Variants in GRM8 observed in about 807,000 individuals in gnomAD.
The protein encoded by GRM8 is glutamate metabotropic receptor 8.
A neutral mutation model predicts 87.2 loss-of-function variants in GRM8; 47 were observed. That is an observed-to-expected ratio of 0.54 (90% confidence interval 0.43 to 0.69). GRM8 has a LOEUF of 0.69. Among genes scored for constraint, GRM8 ranks in the 30% least tolerant of loss-of-function variants. GRM8 has a pLI of 0.00. For missense variants in GRM8, 1,019 were observed against 1,139.2 expected, an observed-to-expected ratio of 0.89 and a Z score of 1.52; for synonymous variants, 396 against 404.5, an observed-to-expected ratio of 0.98 and a Z score of 0.25.
At chr7:126,496,585 G>A (rs1808775034) in intron 9 of GRM8, among the ~76,000 whole-genome samples, 1 of 151,962 alleles carries the variant, frequency 6.6e-6, no homozygotes, top group South Asian at 2.1e-4. Context: ...AATGTTCACT[G>A]GAACCATGTT....
intron 9 of GRM8, among the ~76,000 whole-genome samples, chr7:126,482,171 G>C (rs1463805668): frequency 6.6e-6 from 1 of 152,012 alleles, no homozygotes; most frequent in Non-Finnish European, 1.5e-5. Context: ...TGAGAATATG[G>C]AGATATTGGA....
intron 8 of GRM8, among the ~76,000 whole-genome samples, chr7:126,540,932 G>A (rs529690163): frequency 8.1e-4 from 124 of 152,312 alleles, no homozygotes; most frequent in African/African-American, 2.9e-3. Context: ...TCTCTATAAA[G>A]CTGTTATTTA....
intron 3 of GRM8, among the ~76,000 whole-genome samples, chr7:127,046,470 T>C (rs1309958099): frequency 3.9e-5 from 6 of 152,230 alleles, no homozygotes; most frequent in Non-Finnish European, 5.9e-5. Flanking sequence ...TACTAGCAAA[T>C]GTCACTGTGG....
chr7:127,098,543 G>T (rs775037067), intron 3 of GRM8, among the ~76,000 whole-genome samples: 1 of 151,772 alleles, frequency 6.6e-6, no homozygotes, highest in East Asian at 1.9e-4. Context: ...GTACACTAGG[G>T]ATGAAACTTT....
chr7:126,455,674 A>G (rs1803147029), intron 9 of GRM8, among the ~76,000 whole-genome samples: 1 of 151,696 alleles, frequency 6.6e-6, no homozygotes, highest in Non-Finnish European at 1.5e-5. Flanking sequence ...TTTAGCATTG[A>G]GTTTGCACTG....
chr7:127,094,628 C>T (rs1407191747), intron 3 of GRM8, among the ~76,000 whole-genome samples: 4 of 152,310 alleles, frequency 2.6e-5, no homozygotes, highest in Admixed American at 2.0e-4. Flanking sequence ...AGGATCCAAG[C>T]CTGCTGACAC....
intron 2 of GRM8, among the ~76,000 whole-genome samples, chr7:127,120,108 G>T (rs1236797687): frequency 6.6e-6 from 1 of 152,144 alleles, no homozygotes; most frequent in African/African-American, 2.4e-5. Flanking sequence ...TCAAGTCATA[G>T]CTGGCCAATT....
At chr7:126,441,080 A>G (rs1801421553) in intron 10 of GRM8, among the ~76,000 whole-genome samples, 1 of 152,082 alleles carries the variant, frequency 6.6e-6, no homozygotes, top group South Asian at 2.1e-4. Context: ...CAATTCTTAG[A>G]GGCTGATGTA....
chr7:126,671,944 T>C (rs1585458722), intron 7 of GRM8, among the ~76,000 whole-genome samples: 1 of 152,162 alleles, frequency 6.6e-6, no homozygotes, highest in Non-Finnish European at 1.5e-5. Context: ...CTGAGACACA[T>C]TTTTGTCTGA....
intron 7 of GRM8, among the ~76,000 whole-genome samples, chr7:126,660,605 A>G (rs1805057593): frequency 6.6e-6 from 1 of 152,178 alleles, no homozygotes; most frequent in African/African-American, 2.4e-5. Flanking sequence ...AAGTCTACTG[A>G]TTTCCCTGGC....
intron 1 of GRM8, among the ~76,000 whole-genome samples, chr7:127,248,483 A>G (rs1006481580): frequency 8.5e-5 from 13 of 152,162 alleles, no homozygotes; most frequent in Admixed American, 6.5e-4. Context: ...ACTGGGAGTG[A>G]GATGTTCTAG....
At chr7:127,175,582 A>G (rs918640150) in intron 2 of GRM8, among the ~76,000 whole-genome samples, 1 of 152,180 alleles carries the variant, frequency 6.6e-6, no homozygotes, top group Non-Finnish European at 1.5e-5. Flanking sequence ...AAAACCTTAG[A>G]AGAAGCCAGA....
chr7:126,718,336 G>A lies in GRM8; in HGVS notation c.1357+51529C>T, dbSNP rs534476825. 2.3e-4 allele frequency among the ~76,000 whole-genome samples: 35 copies of A among 152,226 alleles called. No homozygotes were observed. In the South Asian group the frequency reaches 3.7e-3, roughly 16 times the overall value. ...CCATATTAGGAGGTTAAAAAAATGC[G>A]TACTTCAGTGACCAAGAGTGTTTAT... On this transcript the variant is annotated intron_variant, in intron 7 of 10. Transcript: ENST00000339582.
chr7:127,089,734 TAC>T (rs1213982522), intron 3 of GRM8, among the ~76,000 whole-genome samples: 6 of 152,334 alleles, frequency 3.9e-5, no homozygotes, highest in Non-Finnish European at 7.4e-5. Flanking sequence ...TTACTAAAGG[TAC>T]ACACACAGTG....
At chr7:127,190,800 A>ATTTT (rs1221457360) in intron 2 of GRM8, among the ~76,000 whole-genome samples, 1 of 152,168 alleles carries the variant, frequency 6.6e-6, no homozygotes, top group Non-Finnish European at 1.5e-5. Flanking sequence ...CTCAGACATT[A>ATTTT]TTTTTTTAAC....
chr7:126,961,992 C>T (rs1213815955), intron 3 of GRM8, among the ~76,000 whole-genome samples: 2 of 151,636 alleles, frequency 1.3e-5, no homozygotes, highest in African/African-American at 2.4e-5. Flanking sequence ...GCTCCCTTCT[C>T]CCCTCTCCTA....
chr7:126,644,639 A>G (rs1235624766), intron 7 of GRM8, among the ~76,000 whole-genome samples: 1 of 152,228 alleles, frequency 6.6e-6, no homozygotes, highest in Non-Finnish European at 1.5e-5. Context: ...TGCAAGTATT[A>G]TATGATATAA....
chr7:126,891,883 A>G (rs1801045770), intron 6 of GRM8, among the ~76,000 whole-genome samples: 1 of 151,984 alleles, frequency 6.6e-6, no homozygotes, highest in South Asian at 2.1e-4. Flanking sequence ...AGCAGAAAAT[A>G]AGCTGAATTT....
chr7:126,878,127 T>A (rs868860001), intron 6 of GRM8, among the ~76,000 whole-genome samples: 40 of 152,180 alleles, frequency 2.6e-4, no homozygotes, highest in Admixed American at 1.6e-3. Context: ...TCATTCACCA[T>A]GTTAATGACC....
Sources: allele counts gnomAD v4.1 joint callset (sites outside exome capture counted in the v4.1 genomes callset), GRCh38; gene constraint gnomAD v4.1.1; transcripts MANE v1.5; gene names NCBI Gene and HGNC (gene_info 2026-07-23, HGNC 2026-07-21).